The following DNAH5 variants were observed in gnomAD, a reference collection of about 807,000 sequenced individuals.
DNAH5 encodes the protein dynein axonemal heavy chain 5, also known as axonemal beta dynein heavy chain 5.
A neutral mutation model predicts 518.2 loss-of-function variants in DNAH5; 372 were observed. The ratio of observed to expected loss-of-function variants is 0.72; its 90% CI spans 0.66 to 0.78. DNAH5 has a LOEUF of 0.78. Among genes scored for constraint, DNAH5 ranks in the 30% least tolerant of loss-of-function variants. The probability of loss-of-function intolerance (pLI) is 0.00; values close to 1 mark genes in which losing one functional copy is unlikely to be tolerated. For missense variants in DNAH5, 5,523 were observed against 5,687.0 expected, an observed-to-expected ratio of 0.97 and a Z score of 0.93; for synonymous variants, 2,039 against 2,025.9, an observed-to-expected ratio of 1.01 and a Z score of -0.17.
intron 55 of DNAH5, among the ~76,000 whole-genome samples, chr5:13,771,641 T>C (rs1392258302): frequency 1.3e-5 from 2 of 152,142 alleles, no homozygotes; most frequent in African/African-American, 4.8e-5. Context: ...TCAATCACCA[T>C]GTACACTGAA....
chr5:13,833,409 A>T (rs57362365), intron 35 of DNAH5, among the ~76,000 whole-genome samples: 2 of 148,408 alleles, frequency 1.3e-5, no homozygotes, highest in Middle Eastern at 3.4e-3. Flanking sequence ...ACTGCACTCC[A>T]GCCTGGGCAA....
At chr5:13,840,882 C>A in intron 34 of DNAH5, 24 bp downstream of exon 34, 1 of 1,598,492 alleles carries the variant, frequency 6.3e-7, no homozygotes, top group Admixed American at 1.7e-5. Flanking sequence ...TCTCTACATG[C>A]CACAGCATTT....
rs747161968 is a variant in DNAH5, at chr5:13,944,401, C to T, written c.38G>A (p.Ser13Asn). ...RIGRRQLWKHSVTRVLTQRLK... is the reference protein window; with the variant it reads ...RIGRRQLWKHNVTRVLTQRLK... ...CCTTACCGTTAAAACTCGAGTGACG[C>T]TATGCTTCCAGAGCTGTCTCCTCCC... The change falls in exon 1 of 79, where the codon AGC becomes AAC. Residue 13 changes from serine (S) to asparagine (N), a missense_variant. By Grantham distance (46) the Ser-to-Asn change is conservative. This residue lies in a region of DNAH5 where 5,121 missense variants were observed against 5,223.3 expected (regional missense o/e 0.98). Transcript: ENST00000265104. 65 of 1,613,780 alleles carry T rather than the reference C, an allele frequency of 4.0e-5. No individual in the cohort carries two copies. The highest frequency in any genetic ancestry group is 6.7e-5 in the Admixed American group (4 of 59,992).
At chr5:13,850,502 G>C in intron 31 of DNAH5, 150 bp downstream of exon 31, 1 of 683,568 alleles carries the variant, frequency 1.5e-6, no homozygotes, top group Non-Finnish European at 2.6e-6. Context: ...GAGAATATAA[G>C]GCTTCAAAAT....
intron 38 of DNAH5, among the ~76,000 whole-genome samples, chr5:13,825,654 A>G (rs1259746034): frequency 6.6e-6 from 1 of 152,212 alleles, no homozygotes; most frequent in African/African-American, 2.4e-5. Flanking sequence ...ACTATTGGCA[A>G]TAGTCAAATT....
chr5:13,734,851 T>A (rs1363831365), intron 68 of DNAH5, among the ~76,000 whole-genome samples: 2 of 152,194 alleles, frequency 1.3e-5, no homozygotes, highest in African/African-American at 2.4e-5. Flanking sequence ...AAAATTCATT[T>A]ATTATTTTAT....
chr5:13,753,466 G>A lies in DNAH5; in HGVS notation c.10639C>T (p.Arg3547Trp), dbSNP rs747041428. 71 of 1,613,918 alleles carry A rather than the reference G, an allele frequency of 4.4e-5. No homozygotes were observed. The highest frequency in any genetic ancestry group is 2.3e-4 in the South Asian group (21 of 91,070). ...ATTTTCCGGGCTTTCATTTCCTTCC[G>A]CCAGTCATTTAACAGAAGATCACGA... ...EFRDLLLNDW[R>W]KEMKARKIPF... The change falls in exon 63 of 79, where the codon CGG becomes TGG. Residue 3547 changes from arginine to tryptophan, a missense_variant. Physicochemically the swap from Arg to Trp is moderately radical, Grantham distance 101. Transcript: ENST00000265104.
chr5:13,731,735 A>G (rs1468470816), intron 68 of DNAH5, among the ~76,000 whole-genome samples: 1 of 152,242 alleles, frequency 6.6e-6, no homozygotes, highest in East Asian at 1.9e-4. Flanking sequence ...AAAGTTTTAT[A>G]CAAGCTATGC....
intron 1 of DNAH5, chr5:13,932,094 A>G (rs1011864436): frequency 2.0e-5 from 3 of 152,266 alleles, no homozygotes; most frequent in African/African-American, 7.2e-5. Flanking sequence ...GCCCCTCTGG[A>G]TCCCTTCTTT....
intron 68 of DNAH5, among the ~76,000 whole-genome samples, chr5:13,730,736 T>G (rs1746416222): frequency 6.7e-6 from 1 of 149,794 alleles, no homozygotes; most frequent in Non-Finnish European, 1.5e-5. Flanking sequence ...GTAGTTTCAC[T>G]CTTGTTGCCC....
At chr5:13,883,228 A>G in intron 19 of DNAH5, 134 bp from the exon 20 acceptor site, 1 of 982,148 alleles carries the variant, frequency 1.0e-6, no homozygotes, top group South Asian at 1.4e-5. Flanking sequence ...TGAATGAGTC[A>G]ATTAAAACTA....
intron 1 of DNAH5, among the ~76,000 whole-genome samples, chr5:13,933,226 A>G (rs1380224081): frequency 6.6e-6 from 1 of 152,204 alleles, no homozygotes; most frequent in East Asian, 1.9e-4. Context: ...AAAAGCTACA[A>G]TGTCAAATCA....
At chr5:13,938,231 G>A (rs1779127821) in intron 1 of DNAH5, among the ~76,000 whole-genome samples, 1 of 152,004 alleles carries the variant, frequency 6.6e-6, no homozygotes, top group African/African-American at 2.4e-5. Context: ...AATGATCCAG[G>A]ATCACCCAAA....
chr5:13,778,594 GAA>G (rs148107130), intron 53 of DNAH5, among the ~76,000 whole-genome samples: 6,676 of 78,518 alleles, frequency 0.085, 385 homozygotes, highest in South Asian at 0.16. Flanking sequence ...AAGAAAGAAA[GAA>G]AGAGAGAGAG....
At chr5:13,730,707 T>TA (rs935971372) in intron 68 of DNAH5, among the ~76,000 whole-genome samples, 10 of 146,848 alleles carry the variant, frequency 6.8e-5, no homozygotes, top group African/African-American at 2.5e-4. Flanking sequence ...GTGCTGTTAT[T>TA]TTTTTTTTTT....
In DNAH5 at chr5:13,740,364, T is replaced by C. The variant is rs972731564; in HGVS notation, c.11212-2869A>G. 1.2e-4 allele frequency among the ~76,000 whole-genome samples: 18 copies of C among 152,120 alleles called. 1 individual carries two copies. Among genetic ancestry groups the C allele is most frequent in the Admixed American group, 1.0e-3 (16 of 15,258 alleles). On this transcript the variant is annotated intron_variant, in intron 65 of 78. Coordinates refer to ENST00000265104, the MANE Select transcript of DNAH5 (RefSeq NM_001369.3). Reference sequence around the variant, plus strand: ...TACTTCCTCTCTCAAAACCCTCCAGTGGCCAATCTTTCCACTCAGAGTGAA... The same window carrying C: ...TACTTCCTCTCTCAAAACCCTCCAGCGGCCAATCTTTCCACTCAGAGTGAA...
Position 13,810,116 on chromosome 5 carries a change from G to C in DNAH5, c.7552C>G (p.Leu2518Val), listed in dbSNP as rs1272856578. ...LRSRPTGTLE[L>V]PPPAGPGDTA... Reference sequence around the variant, plus strand: ...TCCCCGGGCCCCGCTGGCGGCGGCAGCTCCAGCGTCCCTGTGGGCCGAGAG... The same window carrying C: ...TCCCCGGGCCCCGCTGGCGGCGGCACCTCCAGCGTCCCTGTGGGCCGAGAG... Residue 2518 changes from leucine to valine, a missense_variant, in exon 45 of 79, where the codon CTG becomes GTG. By Grantham distance (32) the Leu-to-Val change is conservative. Around this residue, in one of 3 missense-constraint regions of DNAH5, gnomAD observed 5,121 missense variants for 5,223.3 expected, o/e 0.98. Transcript: ENST00000265104. 3.9e-6 allele frequency: 6 copies of C among 1,550,694 alleles called. No homozygotes were observed. The highest frequency in any genetic ancestry group is 5.2e-6 in the Non-Finnish European group (6 of 1,147,408).
At chr5:13,916,298 T>C (rs970449168) in intron 9 of DNAH5, 50 bp downstream of exon 9, 2 of 1,058,352 alleles carry the variant, frequency 1.9e-6, no homozygotes, top group East Asian at 2.5e-5. Flanking sequence ...AAAAAATTGA[T>C]CACTGGCAAA....
chr5:13,932,353 G>A (rs1778507004), intron 1 of DNAH5: 1 of 152,340 alleles, frequency 6.6e-6, no homozygotes. Flanking sequence ...TTGATAAGGG[G>A]TAGGGGTGGG....
Sources: allele counts gnomAD v4.1 joint callset (sites outside exome capture counted in the v4.1 genomes callset), GRCh38; gene constraint gnomAD v4.1.1; regional missense constraint gnomAD v4.1.1; transcripts MANE v1.5; gene names NCBI Gene and HGNC (gene_info 2026-07-23, HGNC 2026-07-21).